The following HDAC4 variants were observed in gnomAD, a reference collection of about 807,000 sequenced individuals.
HDAC4 encodes the protein histone deacetylase 4, also known as histone deacetylase A.
Under a neutral mutation model 135.1 loss-of-function variants are expected in HDAC4, and 16 were observed. That is an observed-to-expected ratio of 0.12 (90% CI 0.08 to 0.18). HDAC4 has a LOEUF of 0.18. HDAC4 is among the 10% of genes least tolerant of loss of function. The pLI is 1.00. For missense variants in HDAC4, 1,143 were observed against 1,511.8 expected, an observed-to-expected ratio of 0.76 and a Z score of 4.05; for synonymous variants, 685 against 653.4, an observed-to-expected ratio of 1.05 and a Z score of -0.74.
At chr2:239,360,437 C>A (rs563115985) in intron 1 of HDAC4, among the ~76,000 whole-genome samples, 1 of 152,190 alleles carries the variant, frequency 6.6e-6, no homozygotes, top group Non-Finnish European at 1.5e-5. Context: ...TCAGGGTCTG[C>A]CCAGGCACCC....
Position 239,139,664 on chromosome 2 carries a change from G to T in HDAC4, c.978+20C>A. 6.2e-7 allele frequency: 1 copy of T among 1,604,724 alleles called. No homozygotes were observed. The highest frequency in any genetic ancestry group is 8.5e-7 in the Non-Finnish European group (1 of 1,171,438). ...GTCCGACTCTAGCCGTAGGACACAGGACAAACGCTTCGCACTGACCTCCGC... is the reference window on the plus strand; with the variant it reads ...GTCCGACTCTAGCCGTAGGACACAGTACAAACGCTTCGCACTGACCTCCGC... On this transcript the variant is annotated intron_variant, in intron 9 of 26. Coordinates refer to ENST00000543185, the MANE Select transcript of HDAC4 (RefSeq NM_001378414.1). This position sits in a 1 kb window ranked among gnomAD's most constrained non-coding sequence, Gnocchi z 5.3.
At chr2:239,217,406 T>G (rs2046702420) in intron 3 of HDAC4, among the ~76,000 whole-genome samples, 1 of 152,212 alleles carries the variant, frequency 6.6e-6, no homozygotes, top group African/African-American at 2.4e-5. Flanking sequence ...TGTTTTCTCA[T>G]TTTTCTCAGT....
rs1485039192 is a variant in HDAC4, at chr2:239,068,750, G to A, written c.2751-143C>T. ...GCGGGCTGAGGGCTCCACACAGCAG[G>A]CTGGAATCTGGCGACCACGCTTAAT... On this transcript the variant is annotated intron_variant, in intron 22 of 26. Coordinates refer to ENST00000543185, the MANE Select transcript of HDAC4 (RefSeq NM_001378414.1). This position sits in a 1 kb window ranked among gnomAD's most constrained non-coding sequence, Gnocchi z 4.4. 7.9e-6 allele frequency: 6 copies of A among 755,398 alleles called. No homozygotes were observed. The East Asian group carries it at 1.3e-4, about 16-fold the overall frequency. 46.8% of individuals were successfully genotyped at this position (755,398 alleles called of 1,614,324 possible).
At chr2:239,076,929 C>T (rs1451868340) in intron 22 of HDAC4, among the ~76,000 whole-genome samples, 4 of 152,216 alleles carry the variant, frequency 2.6e-5, no homozygotes, top group African/African-American at 9.6e-5. Flanking sequence ...CGAGACCTCA[C>T]CAAGTGCCCT....
At chr2:239,346,805 CCT>C (rs1159078362) in intron 2 of HDAC4, among the ~76,000 whole-genome samples, 5 of 140,076 alleles carry the variant, frequency 3.6e-5, no homozygotes, top group Non-Finnish European at 6.2e-5. Flanking sequence ...ACACACACAC[CCT>C]GTCTAAAACA....
At chr2:239,272,963 G>C (rs1381882818) in intron 2 of HDAC4, among the ~76,000 whole-genome samples, 4 of 152,224 alleles carry the variant, frequency 2.6e-5, no homozygotes, top group Non-Finnish European at 4.4e-5. Context: ...GGCAGAGTCA[G>C]AGACCAGACC....
rs796814078 is a variant in HDAC4 at position 239,333,236 on chromosome 2, A to G, written c.22+19442T>C. Among the ~76,000 whole-genome samples, 11 of 150,466 alleles carry G rather than the reference A, an allele frequency of 7.3e-5. 1 individual carries two copies. The South Asian group carries it at 1.2e-3, about 17-fold the overall frequency. The stretch of plus-strand genomic sequence containing the variant: ...GGCTTGATTTTATATAACCTGAAAA[A>G]TAAGATGGGATTTTACATTAAGTGG... On this transcript the variant is annotated intron_variant, in intron 2 of 26. Coordinates refer to ENST00000543185, the MANE Select transcript of HDAC4 (RefSeq NM_001378414.1).
chr2:239,242,404 C>A (rs757602707), intron 2 of HDAC4, among the ~76,000 whole-genome samples: 1 of 152,270 alleles, frequency 6.6e-6, no homozygotes, highest in African/African-American at 2.4e-5. Flanking sequence ...GTGTTGCGGT[C>A]TTGAACATCT....
At chr2:239,215,809 G>A (rs543635975) in intron 3 of HDAC4, among the ~76,000 whole-genome samples, 118 of 152,288 alleles carry the variant, frequency 7.7e-4, no homozygotes, top group African/African-American at 2.7e-3. Flanking sequence ...TCAGTTCCGC[G>A]CAGGCACTGG....
intron 12 of HDAC4, among the ~76,000 whole-genome samples, chr2:239,120,410 CACACAG>C (rs771653052): frequency 6.9e-6 from 1 of 145,028 alleles, no homozygotes; most frequent in Non-Finnish European, 1.5e-5. Context: ...CAGACACACA[CACACAG>C]ACACAGACAG....
intron 2 of HDAC4, among the ~76,000 whole-genome samples, chr2:239,283,133 G>A (rs2050917190): frequency 6.6e-6 from 1 of 152,282 alleles, no homozygotes; most frequent in African/African-American, 2.4e-5. Context: ...TGCTGAGGCT[G>A]AGGGTGCAGA....
chr2:239,265,675 C>T (rs990832629), intron 2 of HDAC4, among the ~76,000 whole-genome samples: 3 of 152,356 alleles, frequency 2.0e-5, no homozygotes, highest in South Asian at 2.1e-4. Flanking sequence ...GGCACCAACA[C>T]AGGCACCCCA....
intron 2 of HDAC4, among the ~76,000 whole-genome samples, chr2:239,290,721 C>T (rs1043263412): frequency 3.3e-5 from 5 of 152,030 alleles, no homozygotes; most frequent in African/African-American, 1.2e-4. Flanking sequence ...CTCACATACG[C>T]ACTCACGTAC....
chr2:239,188,756 G>A (rs1349438420), intron 4 of HDAC4, among the ~76,000 whole-genome samples: 1 of 152,252 alleles, frequency 6.6e-6, no homozygotes, highest in East Asian at 1.9e-4. Context: ...GAGACCCTGT[G>A]GCTTCCATGT....
intron 22 of HDAC4, among the ~76,000 whole-genome samples, chr2:239,071,893 T>A (rs910429453): frequency 5.3e-5 from 8 of 152,216 alleles, no homozygotes; most frequent in Non-Finnish European, 1.2e-4. Flanking sequence ...TTGCTTCTGC[T>A]GTTAATTGTG....
chr2:239,089,458 G>A (rs1011669445), intron 18 of HDAC4, among the ~76,000 whole-genome samples: 1 of 152,166 alleles, frequency 6.6e-6, no homozygotes, highest in Non-Finnish European at 1.5e-5. Flanking sequence ...CTCCCAAGTA[G>A]CTGGGATTAT....
chr2:239,380,942 C>T (rs565323544), intron 1 of HDAC4, among the ~76,000 whole-genome samples: 7 of 152,276 alleles, frequency 4.6e-5, no homozygotes, highest in Admixed American at 2.6e-4. Flanking sequence ...CCCTCAGCAG[C>T]GCCTCCCGGA....
rs551783969 is a variant in HDAC4, at chr2:239,093,585, G to A, written c.2280+1425C>T. ...GTGGCTGTACCTCAGGAAGCCCCAC[G>A]GCCTGCACTGTTCCCTGCCCATGCC... On this transcript the variant is annotated intron_variant, in intron 17 of 26. Transcript: ENST00000543185. Among the ~76,000 whole-genome samples the A allele has an allele frequency of 7.6e-4, 116 of 152,318 alleles. 1 individual carries two copies. The highest frequency in any genetic ancestry group is 4.6e-3 in the Admixed American group (71 of 15,300).
At chr2:239,132,822 A>G (rs1206171217) in intron 11 of HDAC4, among the ~76,000 whole-genome samples, 1 of 152,240 alleles carries the variant, frequency 6.6e-6, no homozygotes, top group Non-Finnish European at 1.5e-5. Flanking sequence ...AATCCCAGGA[A>G]TCCTGAAGAT....
Sources: allele counts gnomAD v4.1 joint callset (sites outside exome capture counted in the v4.1 genomes callset), GRCh38; gene constraint gnomAD v4.1.1; non-coding constraint Gnocchi (gnomAD v3.1); transcripts MANE v1.5; gene names NCBI Gene and HGNC (gene_info 2026-07-23, HGNC 2026-07-21).